Variants in SV2C observed in about 807,000 individuals in gnomAD.
SV2C encodes synaptic vesicle glycoprotein 2C.
SV2C carries 49 observed loss-of-function variants against 79.7 expected under a neutral mutation model. That is an observed-to-expected ratio of 0.61 (90% CI 0.49 to 0.78). The LOEUF (loss-of-function observed/expected upper bound fraction) is 0.78, where lower values mean the gene tolerates loss of function less well. SV2C is among the 30% of genes least tolerant of loss of function. The pLI is 0.00. For synonymous variants in SV2C, 334 were observed against 333.2 expected (o/e 1.00, Z -0.03); for missense variants, 833 against 912.9 (o/e 0.91, Z 1.13).
At chr5:76,034,263 T>C in the SV2C span, among the ~76,000 whole-genome samples, 1 of 152,120 alleles carries the variant, frequency 6.6e-6, no homozygotes, top group Non-Finnish European at 1.5e-5. Flanking sequence ...CTGATTGCCC[T>C]GGCCAGAACT....
the SV2C span, among the ~76,000 whole-genome samples, chr5:75,928,381 C>T: frequency 3.3e-4 from 51 of 152,260 alleles, no homozygotes; most frequent in Non-Finnish European, 5.6e-4. Flanking sequence ...GCCCTGAAAA[C>T]GCCCGGGAGA....
At chr5:75,880,513 A>C in the SV2C span, among the ~76,000 whole-genome samples, 1 of 152,216 alleles carries the variant, frequency 6.6e-6, no homozygotes, top group Non-Finnish European at 1.5e-5. Context: ...TCCCTAAAAC[A>C]TGAACACAAT....
chr5:76,204,908 T>C (rs1269409100), intron 3 of SV2C, among the ~76,000 whole-genome samples: 1 of 152,198 alleles, frequency 6.6e-6, no homozygotes, highest in East Asian at 1.9e-4. Context: ...ATGAGGTTTG[T>C]GCATACAGGA....
chr5:75,883,007 A>C, the SV2C span, among the ~76,000 whole-genome samples: 1 of 148,554 alleles, frequency 6.7e-6, no homozygotes, highest in Non-Finnish European at 1.5e-5. Context: ...AAAAACAAAC[A>C]ACCCCATCAA....
the SV2C span, among the ~76,000 whole-genome samples, chr5:75,958,807 G>C: frequency 6.6e-6 from 1 of 151,906 alleles, no homozygotes; most frequent in Non-Finnish European, 1.5e-5. Context: ...TGTGGAGGCG[G>C]ATTCATAGCA....
chr5:76,336,616 T>A (rs181634511), downstream of SV2C, among the ~76,000 whole-genome samples: 1 of 147,972 alleles, frequency 6.8e-6, no homozygotes, highest in Non-Finnish European at 1.5e-5. Flanking sequence ...GAGCACCAAG[T>A]GAACCAGACT....
the SV2C span, among the ~76,000 whole-genome samples, chr5:76,015,954 T>G: frequency 6.6e-6 from 1 of 152,018 alleles, no homozygotes; most frequent in Non-Finnish European, 1.5e-5. Flanking sequence ...GGAAAGAACA[T>G]GGGTTTTGGA....
the SV2C span, among the ~76,000 whole-genome samples, chr5:75,953,497 A>G: frequency 6.6e-6 from 1 of 152,038 alleles, no homozygotes; most frequent in Non-Finnish European, 1.5e-5. Flanking sequence ...TCAGGATCCC[A>G]CAAATTTATA....
chr5:75,854,859 T>C, the SV2C span, among the ~76,000 whole-genome samples: 13 of 152,266 alleles, frequency 8.5e-5, no homozygotes, highest in African/African-American at 2.9e-4. Flanking sequence ...TTTAGGACTA[T>C]CATTTATTAC....
At chr5:76,009,137 C>T in the SV2C span, among the ~76,000 whole-genome samples, 1 of 152,110 alleles carries the variant, frequency 6.6e-6, no homozygotes, top group African/African-American at 2.4e-5. Flanking sequence ...TTATTAGCTT[C>T]TTGGCCAATA....
At chr5:76,251,820 A>G (rs568002624) in intron 4 of SV2C, among the ~76,000 whole-genome samples, 6 of 152,298 alleles carry the variant, frequency 3.9e-5, no homozygotes, top group Non-Finnish European at 8.8e-5. Flanking sequence ...TATTCCAGGG[A>G]CTGACATCAC....
the SV2C span, among the ~76,000 whole-genome samples, chr5:76,031,407 G>A: frequency 3.3e-5 from 5 of 152,290 alleles, no homozygotes; most frequent in Non-Finnish European, 7.4e-5. Context: ...GCTGGCTGTC[G>A]CTGGAGCAGT....
chr5:76,342,484 G>A (rs979327387), intron 12 of SV2C, among the ~76,000 whole-genome samples: 18 of 152,242 alleles, frequency 1.2e-4, no homozygotes, highest in Admixed American at 2.6e-4. Context: ...GCAAGGCCAT[G>A]TGAAGTGATC....
chr5:76,018,312 T>C, the SV2C span, among the ~76,000 whole-genome samples: 2 of 152,200 alleles, frequency 1.3e-5, no homozygotes, highest in Non-Finnish European at 1.5e-5. Context: ...CTTGAGATAG[T>C]AATTGACTTA....
At chr5:75,946,557 C>A in the SV2C span, among the ~76,000 whole-genome samples, 10 of 152,116 alleles carry the variant, frequency 6.6e-5, no homozygotes, top group East Asian at 1.7e-3. Context: ...TATTCCGGGT[C>A]CTTTGCATTA....
At chr5:76,224,330 T>C (rs778072672) in intron 4 of SV2C, among the ~76,000 whole-genome samples, 3 of 152,210 alleles carry the variant, frequency 2.0e-5, no homozygotes, top group Non-Finnish European at 2.9e-5. Flanking sequence ...TGCACATTTT[T>C]ATATTCTGCA....
intron 4 of SV2C, among the ~76,000 whole-genome samples, chr5:76,230,033 A>T (rs73766717): frequency 0.12 from 17,939 of 152,202 alleles, 3,076 homozygotes; most frequent in African/African-American, 0.38. Flanking sequence ...GAGTTAGAGA[A>T]TCTGTCTGTC....
the SV2C span, among the ~76,000 whole-genome samples, chr5:75,909,555 A>C: frequency 6.6e-6 from 1 of 152,140 alleles, no homozygotes; most frequent in Non-Finnish European, 1.5e-5. Flanking sequence ...TAGCAGAGGG[A>C]GGGTTTTGTT....
chr5:76,188,978 G>C (rs192417546), intron 2 of SV2C, among the ~76,000 whole-genome samples: 1 of 151,750 alleles, frequency 6.6e-6, no homozygotes, highest in South Asian at 2.1e-4. Context: ...GGGTCCATAA[G>C]AGGCCAAAAA....
Sources: allele counts gnomAD v4.1 joint callset (sites outside exome capture counted in the v4.1 genomes callset), GRCh38; gene constraint gnomAD v4.1.1; transcripts MANE v1.5; gene names NCBI Gene and HGNC (gene_info 2026-07-23, HGNC 2026-07-21).